SEH1L: variants seen among roughly 807,000 people sequenced by gnomAD.
SEH1L encodes SEH1 like nucleoporin, also known as nucleoporin SEH1.
Under a neutral mutation model 49.5 loss-of-function variants are expected in SEH1L, and 18 were observed. The observed-to-expected ratio is 0.36, with a 90% CI of 0.25 to 0.54. The LOEUF is 0.54. Among genes scored for constraint, SEH1L ranks in the 20% least tolerant of loss-of-function variants. SEH1L has a pLI of 0.87. For missense variants in SEH1L, 404 were observed against 528.8 expected (o/e 0.76, Z 2.31); for synonymous variants, 169 against 178.1 (o/e 0.95, Z 0.41).
intron 8 of SEH1L, 187 bp downstream of exon 8, chr18:12,984,377 A>C (rs1357346007): frequency 9.6e-6 from 6 of 623,204 alleles, no homozygotes; most frequent in Non-Finnish European, 1.7e-5. Context: ...ATTTGCAGGT[A>C]GGTTATGAAG....
In SEH1L at chr18:12,978,855, A is replaced by G. The variant is rs2032037805; in HGVS notation, c.724A>G (p.Thr242Ala). 6.2e-7 allele frequency: 1 copy of G among 1,613,986 alleles called. No individual in the cohort carries two copies. Among genetic ancestry groups the G allele is most frequent in the Non-Finnish European group, 8.5e-7 (1 of 1,180,012 alleles). The change falls in exon 6 of 9, where the codon ACC becomes GCC. Residue 242 changes from threonine (T) to alanine (A), a missense_variant. By Grantham distance (58) the Thr-to-Ala change is moderately conservative (BLOSUM62 0). Coordinates refer to ENST00000399892, the MANE Select transcript of SEH1L (RefSeq NM_001013437.2). Reference sequence around the variant, plus strand: ...ATCTTTCCATATTCTAGCAATAGCGACCAAAGATGTGAGAATTTTTACATT... The same window carrying G: ...ATCTTTCCATATTCTAGCAATAGCGGCCAAAGATGTGAGAATTTTTACATT... ...GRSFHILAIA[T>A]KDVRIFTLKP...
chr18:12,984,259 T>C (rs2032383358), intron 8 of SEH1L, 69 bp downstream of exon 8: 1 of 1,476,466 alleles, frequency 6.8e-7, no homozygotes, highest in Non-Finnish European at 9.4e-7. Context: ...ATACTTAAGG[T>C]GGATTATTTC....
At chr18:12,968,069 G>A (rs1459020575) in intron 4 of SEH1L, among the ~76,000 whole-genome samples, 1 of 152,226 alleles carries the variant, frequency 6.6e-6, no homozygotes, top group East Asian at 1.9e-4. Context: ...CGTGTGCCTT[G>A]GTCTTTATCT....
chr18:12,948,849 T>C (rs1052211044), intron 1 of SEH1L: 1 of 127,012 alleles, frequency 7.9e-6, no homozygotes, highest in African/African-American at 2.9e-5. Context: ...ATTTCTTTTC[T>C]TTTTTTTTTT....
At chr18:12,955,760 C>CT (rs1252763098) in intron 3 of SEH1L, 151 bp downstream of exon 3, 5 of 780,358 alleles carry the variant, frequency 6.4e-6, no homozygotes, top group Non-Finnish European at 8.0e-6. Flanking sequence ...TTTTTTCTTC[C>CT]TTTTTTATTT....
At chr18:12,979,961 C>T (rs1307378198) in intron 6 of SEH1L, among the ~76,000 whole-genome samples, 1 of 136,462 alleles carries the variant, frequency 7.3e-6, no homozygotes, top group Admixed American at 7.1e-5. Context: ...GGCAGAGGTG[C>T]CCCTCACCTC....
intron 1 of SEH1L, 141 bp from the exon 2 acceptor site, chr18:12,951,714 G>T: frequency 1.7e-6 from 1 of 598,928 alleles, no homozygotes; most frequent in South Asian, 1.8e-5. Context: ...TTAATTGAAT[G>T]AATGAATGTT....
Position 12,982,631 on chromosome 18 carries a change from T to C in SEH1L, c.875T>C (p.Val292Ala). The change falls in exon 7 of 9, where the codon GTG becomes GCG. Residue 292 changes from valine (V) to alanine (A), a missense_variant. By Grantham distance (64) the Val-to-Ala change is moderately conservative (BLOSUM62 0). Transcript: ENST00000399892. ...WRVSWNITGTVLASSGDDGCV... is the reference protein window; with the variant it reads ...WRVSWNITGTALASSGDDGCV... ...GTGAGTTGGAATATAACAGGAACGG[T>C]GCTAGCATCTTCAGGAGATGATGGG... The C allele has an allele frequency of 6.2e-7, 1 of 1,613,460 alleles. No homozygotes were observed. The highest frequency in any genetic ancestry group is 2.2e-5 in the East Asian group (1 of 44,850).
chr18:12,963,124 T>G, intron 3 of SEH1L, 36 bp from the exon 4 acceptor site: 11 of 1,473,230 alleles, frequency 7.5e-6, no homozygotes, highest in Non-Finnish European at 1.0e-5. Context: ...GCTTTCTTTT[T>G]GTATATAATT....
intron 1 of SEH1L, among the ~76,000 whole-genome samples, chr18:12,950,213 T>C (rs1222043412): frequency 6.6e-6 from 1 of 151,972 alleles, no homozygotes; most frequent in African/African-American, 2.4e-5. Flanking sequence ...AAAACATTTT[T>C]TTTGTAGAGG....
At chr18:12,982,415 G>C in intron 6 of SEH1L, 103 bp from the exon 7 acceptor site, 7 of 795,116 alleles carry the variant, frequency 8.8e-6, no homozygotes, top group Non-Finnish European at 1.4e-5. Context: ...GAGACCACTT[G>C]TATTAATTTA....
chr18:12,966,016 C>G (rs1218414348), intron 4 of SEH1L, among the ~76,000 whole-genome samples: 1 of 152,136 alleles, frequency 6.6e-6, no homozygotes, highest in East Asian at 1.9e-4. Context: ...AAAACCCCAA[C>G]CTGGATTATT....
chr18:12,984,046 A>C lies in SEH1L; in HGVS notation c.926A>C (p.Tyr309Ser). ...TTGATTATTTTCCTTTCAGCTAATTATATGGACAATTGGAAGTGTACTGGT... is the reference window on the plus strand; with the variant it reads ...TTGATTATTTTCCTTTCAGCTAATTCTATGGACAATTGGAAGTGTACTGGT... ...DGCVRLWKAN[Y>S]MDNWKCTGIL... The change falls in exon 8 of 9, where the codon TAT becomes TCT. Residue 309 changes from tyrosine (Y) to serine (S), a missense_variant. Around this residue, in one of 3 missense-constraint regions of SEH1L, gnomAD observed 342 missense variants for 430.8 expected, o/e 0.79. Transcript: ENST00000399892. 1 of 1,613,018 alleles carries C rather than the reference A, an allele frequency of 6.2e-7. No homozygotes were observed. Among genetic ancestry groups the C allele is most frequent in the Non-Finnish European group, 8.5e-7 (1 of 1,179,184 alleles).
intron 4 of SEH1L, among the ~76,000 whole-genome samples, chr18:12,969,566 T>C (rs1404365434): frequency 6.6e-6 from 1 of 151,850 alleles, no homozygotes; most frequent in East Asian, 1.9e-4. Flanking sequence ...CGCGTGCCTG[T>C]AATCCCAGCC....
At chr18:12,967,514 A>G (rs2145634545) in intron 4 of SEH1L, among the ~76,000 whole-genome samples, 1 of 152,360 alleles carries the variant, frequency 6.6e-6, no homozygotes, top group East Asian at 1.9e-4. Flanking sequence ...TGTAAAGGAC[A>G]TTCGTTTACC....
intron 4 of SEH1L, among the ~76,000 whole-genome samples, chr18:12,964,680 G>A (rs960928164): frequency 1.4e-5 from 2 of 144,886 alleles, no homozygotes; most frequent in Non-Finnish European, 3.0e-5. Context: ...CTATTGCCCA[G>A]GCTGGAGTGT....
intron 2 of SEH1L, among the ~76,000 whole-genome samples, chr18:12,953,046 T>C (rs1361168613): frequency 1.3e-5 from 2 of 152,164 alleles, no homozygotes; most frequent in East Asian, 3.9e-4. Context: ...CCTTCCAAAG[T>C]GCTGGGATTA....
At chr18:12,982,792 CAT>C (rs61123859) in intron 7 of SEH1L, 117 bp downstream of exon 7, 63,049 of 726,036 alleles carry the variant, frequency 0.087, 3,958 homozygotes, top group African/African-American at 0.23. Context: ...CTTTTAATGT[CAT>C]ATTAATTTAT....
At chr18:12,980,950 G>A (rs2145665448) in intron 6 of SEH1L, among the ~76,000 whole-genome samples, 1 of 151,188 alleles carries the variant, frequency 6.6e-6, no homozygotes, top group South Asian at 2.1e-4. Flanking sequence ...CGGACGGGGT[G>A]GCTGCCGGGC....
Sources: allele counts gnomAD v4.1 joint callset (sites outside exome capture counted in the v4.1 genomes callset), GRCh38; gene constraint gnomAD v4.1.1; regional missense constraint gnomAD v4.1.1; transcripts MANE v1.5; gene names NCBI Gene and HGNC (gene_info 2026-07-23, HGNC 2026-07-21).